The following FZD3 variants were observed in gnomAD, a reference collection of about 807,000 sequenced individuals.
FZD3 encodes frizzled-3.
In FZD3, 30 loss-of-function variants were observed where a neutral mutation model predicts 60.7. The observed-to-expected ratio is 0.49, with a 90% CI of 0.37 to 0.67. FZD3 has a LOEUF of 0.67. FZD3 is among the 30% of genes least tolerant of loss of function. The pLI, the probability that FZD3 is intolerant of heterozygous loss-of-function variation, is 0.00. For missense variants in FZD3, 605 were observed against 838.7 expected (o/e 0.72, Z 3.44); for synonymous variants, 246 against 275.2 (o/e 0.89, Z 1.05).
intron 1 of FZD3, among the ~76,000 whole-genome samples, chr8:28,495,020 T>A (rs1803805495): frequency 6.6e-6 from 1 of 152,234 alleles, no homozygotes; most frequent in African/African-American, 2.4e-5. Context: ...GTGGGGTGGC[T>A]GCTGCTGGAT....
Position 28,527,800 on chromosome 8 carries a change from T to C in FZD3, c.1040T>C (p.Leu347Ser). 1 of 1,614,106 alleles carries C rather than the reference T, an allele frequency of 6.2e-7. No homozygotes were observed. Among genetic ancestry groups the C allele is most frequent in the East Asian group, 2.2e-5 (1 of 44,892 alleles). ...CCCGGAACTCTAACCATCATCCTTT[T>C]AGCGATGAATAAAATTGAAGGTGAC... ...GIPGTLTIIL[L>S]AMNKIEGDNI... Residue 347 changes from leucine to serine, a missense_variant, in exon 5 of 8, where the codon TTA (leucine) becomes TCA (serine). Transcript: ENST00000240093. This position sits in a 1 kb window ranked among gnomAD's most constrained non-coding sequence, Gnocchi z 5.0.
At chr8:28,500,032 A>G (rs750561396) in intron 2 of FZD3, 54 bp downstream of exon 2, 6 of 152,212 alleles carry the variant, frequency 3.9e-5, no homozygotes, top group Non-Finnish European at 8.8e-5. Context: ...AGGGGAATCC[A>G]TGAATCTGCT....
chr8:28,538,900 A>T, intron 5 of FZD3, among the ~76,000 whole-genome samples: 1 of 151,126 alleles, frequency 6.6e-6, no homozygotes, highest in African/African-American at 2.4e-5. Flanking sequence ...TAGTTGCTGG[A>T]GAAGCAACTG....
intron 6 of FZD3, among the ~76,000 whole-genome samples, chr8:28,554,756 A>G (rs1035052238): frequency 6.6e-6 from 1 of 152,140 alleles, no homozygotes; most frequent in Non-Finnish European, 1.5e-5. Context: ...CCTTCAGCCC[A>G]TCTACCCCAA....
intron 5 of FZD3, among the ~76,000 whole-genome samples, chr8:28,543,600 C>T (rs994589505): frequency 1.3e-5 from 2 of 152,080 alleles, no homozygotes; most frequent in Non-Finnish European, 2.9e-5. Context: ...AGGCTGATCT[C>T]GAACTCCTGA....
At chr8:28,497,672 G>A (rs188461927) in intron 1 of FZD3, among the ~76,000 whole-genome samples, 2 of 152,328 alleles carry the variant, frequency 1.3e-5, no homozygotes, top group East Asian at 3.9e-4. Flanking sequence ...AATCTCAACA[G>A]AATGATGGAA....
intron 4 of FZD3, among the ~76,000 whole-genome samples, chr8:28,524,276 A>G (rs1034642704): frequency 6.6e-6 from 1 of 152,180 alleles, no homozygotes; most frequent in Non-Finnish European, 1.5e-5. Flanking sequence ...ACATCATCTG[A>G]TAGCAGTTTC....
chr8:28,560,229 T>TC (rs11463394), intron 7 of FZD3, among the ~76,000 whole-genome samples: 94,984 of 151,950 alleles, frequency 0.63, 30,108 homozygotes, highest in African/African-American at 0.71. Flanking sequence ...CACTGTAGTA[T>TC]TTTTTGACAA....
intron 2 of FZD3, among the ~76,000 whole-genome samples, chr8:28,502,290 G>A (rs1804015972): frequency 6.6e-6 from 1 of 151,994 alleles, no homozygotes; most frequent in Admixed American, 6.6e-5. Flanking sequence ...TGCAATTTTA[G>A]TTCAATAATT....
rs10086101 is a variant in FZD3 at position 28,501,615 on chromosome 8, C to T, written c.-344-1055C>T. ...ACTAAACCAAATCAAAATGTGATAG[C>T]TTAGAATATACTTTTTTCATACCAG... On this transcript the variant is annotated intron_variant, in intron 2 of 7. Coordinates refer to ENST00000240093, the MANE Select transcript of FZD3 (RefSeq NM_017412.4). Among the ~76,000 whole-genome samples the T allele has an allele frequency of 4.4e-3, 667 of 152,242 alleles. 6 individuals carry two copies. Among genetic ancestry groups the T allele is most frequent in the Middle Eastern group, 0.014 (4 of 294 alleles).
In FZD3 at chr8:28,573,217, A is replaced by T. The variant is rs1259622861; in HGVS notation, c.*10206A>T. On this transcript the variant is annotated 3_prime_UTR_variant, in exon 8 of 8. Coordinates refer to ENST00000240093, the MANE Select transcript of FZD3 (RefSeq NM_017412.4). ...TACTTCCAAAATATAACCTATCTCAAGTGTTAGAAATTTGCTTTAACTAAT... is the reference window on the plus strand; with the variant it reads ...TACTTCCAAAATATAACCTATCTCATGTGTTAGAAATTTGCTTTAACTAAT... The T allele has an allele frequency of 1.3e-5, 2 of 152,190 alleles. No homozygotes were observed. The highest frequency in any genetic ancestry group is 3.4e-3 in the Middle Eastern group (1 of 294). The allele number at this position is 152,190 out of a possible 1,614,324, so 9.4% of individuals were successfully genotyped here.
rs1413437194 is a variant in FZD3, at chr8:28,572,843, A to G, written c.*9832A>G. The G allele has an allele frequency of 6.6e-6, 1 of 152,202 alleles. No individual in the cohort carries two copies. Among genetic ancestry groups the G allele is most frequent in the Non-Finnish European group, 1.5e-5 (1 of 68,004 alleles). 9.4% of individuals were successfully genotyped at this position (152,202 alleles called of 1,614,324 possible). On this transcript the variant is annotated 3_prime_UTR_variant, in exon 8 of 8. Transcript: ENST00000240093. ...ATGAGTTGAAGATCATATAAAAAATATGAAACTCCTACACAGGAAATCCCC... is the reference window on the plus strand; with the variant it reads ...ATGAGTTGAAGATCATATAAAAAATGTGAAACTCCTACACAGGAAATCCCC...
rs1055313687 is a variant in FZD3, at chr8:28,570,136, A to G, written c.*7125A>G. ...AGATCAATGTGGCTTGTTATTTTTA[A>G]TTTTTTTCTGGCTATACAGAAAATG... On this transcript the variant is annotated 3_prime_UTR_variant, in exon 8 of 8. Transcript: ENST00000240093. 5 of 152,074 alleles carry G rather than the reference A, an allele frequency of 3.3e-5. No homozygotes were observed. The East Asian group carries it at 9.6e-4, about 29-fold the overall frequency. 9.4% of individuals were successfully genotyped at this position (152,074 alleles called of 1,614,324 possible). A position where few individuals can be genotyped will look rare whatever the true frequency, so the allele number is the denominator to read the frequency against.
At position 28,570,907 on chromosome 8, in the gene FZD3, T is replaced by C. The variant is rs1344304911; in HGVS notation, c.*7896T>C. The C allele has an allele frequency of 6.6e-6, 1 of 152,038 alleles. No homozygotes were observed. 9.4% of individuals were successfully genotyped at this position (152,038 alleles called of 1,614,324 possible). On this transcript the variant is annotated 3_prime_UTR_variant, in exon 8 of 8. Transcript: ENST00000240093. ...GGTGTGATTCTTTAGCTACATTTATTCCTTGTCTTATGTCATTTCACTGGA... is the reference window on the plus strand; with the variant it reads ...GGTGTGATTCTTTAGCTACATTTATCCCTTGTCTTATGTCATTTCACTGGA...
At chr8:28,505,713 G>A (rs1804121185) in intron 3 of FZD3, among the ~76,000 whole-genome samples, 1 of 152,154 alleles carries the variant, frequency 6.6e-6, no homozygotes, top group African/African-American at 2.4e-5. Context: ...TGGTATGTGG[G>A]CAGTAAGCTA....
At chr8:28,535,340 T>TATCAC (rs1804982018) in intron 5 of FZD3, among the ~76,000 whole-genome samples, 1 of 152,222 alleles carries the variant, frequency 6.6e-6, no homozygotes. Context: ...TTCCCTGTTA[T>TATCAC]TAATATCTTA....
At chr8:28,537,325 A>G (rs924901453) in intron 5 of FZD3, among the ~76,000 whole-genome samples, 3 of 152,276 alleles carry the variant, frequency 2.0e-5, no homozygotes, top group Non-Finnish European at 4.4e-5. Flanking sequence ...GTTAAACAGA[A>G]TAACCTAAGT....
intron 5 of FZD3, among the ~76,000 whole-genome samples, chr8:28,529,104 G>C (rs1249343889): frequency 6.6e-6 from 1 of 151,904 alleles, no homozygotes; most frequent in African/African-American, 2.4e-5. Context: ...ATTTTTTTAA[G>C]AGATGGGGTT....
At chr8:28,555,215 G>T (rs904472345) in intron 6 of FZD3, among the ~76,000 whole-genome samples, 1 of 151,996 alleles carries the variant, frequency 6.6e-6, no homozygotes, top group East Asian at 1.9e-4. Flanking sequence ...AAATTAACTC[G>T]TAGACTAAAA....
Sources: gnomAD v4.1 joint callset for allele counts (sites outside exome capture counted in the v4.1 genomes callset) on GRCh38, gnomAD v4.1.1 for gene constraint, Gnocchi (gnomAD v3.1) non-coding constraint, MANE v1.5 for transcripts, NCBI Gene and HGNC (gene_info 2026-07-23, HGNC 2026-07-21) for gene names.